COL28A1: variants seen among roughly 807,000 people sequenced by gnomAD.
COL28A1 encodes the protein collagen alpha-1(XXVIII) chain.
COL28A1 carries 161 observed loss-of-function variants against 150.2 expected under a neutral mutation model. That is an observed-to-expected ratio of 1.07 (90% CI 0.94 to 1.22). COL28A1 has a LOEUF of 1.22. Among genes scored for constraint, COL28A1 ranks in the 50% most tolerant of loss-of-function variants. COL28A1 has a pLI of 0.00. For missense variants in COL28A1, 1,617 were observed against 1,388.3 expected, an observed-to-expected ratio of 1.16 and a Z score of -2.62; for synonymous variants, 552 against 469.7, an observed-to-expected ratio of 1.18 and a Z score of -2.26.
intron 11 of COL28A1, among the ~76,000 whole-genome samples, chr7:7,491,213 C>T (rs1265366675): frequency 6.6e-6 from 1 of 152,172 alleles, no homozygotes; most frequent in African/African-American, 2.4e-5. Flanking sequence ...GATGAATGAT[C>T]ATTGGCCTAA....
At chr7:7,376,606 C>T (rs11980272) in intron 30 of COL28A1, among the ~76,000 whole-genome samples, 4,611 of 151,332 alleles carry the variant, frequency 0.03, 258 homozygotes, top group African/African-American at 0.11. Flanking sequence ...TAAAAAAATC[C>T]GAAACAAGAA....
intron 3 of COL28A1, among the ~76,000 whole-genome samples, chr7:7,526,509 A>T (rs560414633): frequency 1.3e-5 from 2 of 152,256 alleles, no homozygotes; most frequent in Non-Finnish European, 2.9e-5. Flanking sequence ...AATTCAAAAG[A>T]AGTTCAACAG....
chr7:7,526,508 G>C (rs568324011), intron 3 of COL28A1, among the ~76,000 whole-genome samples: 1 of 152,240 alleles, frequency 6.6e-6, no homozygotes, highest in Non-Finnish European at 1.5e-5. Flanking sequence ...AAATTCAAAA[G>C]AAGTTCAACA....
chr7:7,383,524 C>T (rs1014369167), intron 27 of COL28A1, among the ~76,000 whole-genome samples: 3 of 151,830 alleles, frequency 2.0e-5, no homozygotes, highest in Non-Finnish European at 1.5e-5. Context: ...GGTGATTCAC[C>T]TGCCTCGGCC....
intron 25 of COL28A1, among the ~76,000 whole-genome samples, chr7:7,431,834 A>G (rs1233621846): frequency 1.3e-5 from 2 of 152,336 alleles, no homozygotes; most frequent in East Asian, 3.9e-4. Context: ...AGCAGAAAGA[A>G]AAAAAGGAGC....
chr7:7,508,808 G>A (rs1286453110), intron 9 of COL28A1, among the ~76,000 whole-genome samples: 2 of 151,836 alleles, frequency 1.3e-5, no homozygotes, highest in African/African-American at 2.4e-5. Context: ...CCACACTGGT[G>A]ATATAATACC....
intron 25 of COL28A1, among the ~76,000 whole-genome samples, chr7:7,425,582 C>T (rs778329850): frequency 1.3e-5 from 2 of 152,200 alleles, no homozygotes; most frequent in Admixed American, 6.5e-5. Context: ...CATTCCAGAT[C>T]TCCTACCTAT....
At position 7,376,660 on chromosome 7, in the gene COL28A1, A is replaced by G. The variant is rs547500416; in HGVS notation, c.2323-1163T>C. On this transcript the variant is annotated intron_variant, in intron 30 of 34. Transcript: ENST00000399429. ...ATGTATGTATTTATATATTTATATT[A>G]AGTATATCTAGAAAGGGGAAATATA... Among the ~76,000 whole-genome samples the G allele has an allele frequency of 1.5e-3, 222 of 152,190 alleles. 1 individual carries two copies. The highest frequency in any genetic ancestry group is 3.4e-3 in the Admixed American group (52 of 15,296).
At chr7:7,375,261 A>G (rs1781481018) in intron 31 of COL28A1, among the ~76,000 whole-genome samples, 200 bp downstream of exon 31, 1 of 152,184 alleles carries the variant, frequency 6.6e-6, no homozygotes, top group Non-Finnish European at 1.5e-5. Context: ...CAGCCTGGGA[A>G]GATGATTTTA....
At position 7,422,570 on chromosome 7, in the gene COL28A1, A is replaced by G. The variant is rs549642972; in HGVS notation, c.1999-2617T>C. On this transcript the variant is annotated intron_variant, in intron 25 of 34. Coordinates refer to ENST00000399429, the MANE Select transcript of COL28A1 (RefSeq NM_001037763.3). Reference sequence around the variant, plus strand: ...CTTGAACCCGGGAGGCAGAGGTTGCAGTGAACCAAAACCACGCCATTGCAC... The same window carrying G: ...CTTGAACCCGGGAGGCAGAGGTTGCGGTGAACCAAAACCACGCCATTGCAC... Among the ~76,000 whole-genome samples, 5 of 152,220 alleles carry G rather than the reference A, an allele frequency of 3.3e-5. No homozygotes were observed. In the East Asian group the frequency reaches 9.7e-4, roughly 29 times the overall value.
At chr7:7,406,301 T>C (rs1420706581) in intron 27 of COL28A1, among the ~76,000 whole-genome samples, 1 of 152,206 alleles carries the variant, frequency 6.6e-6, no homozygotes, top group Non-Finnish European at 1.5e-5. Context: ...ACAGTATTAC[T>C]GCAGGTGGAG....
chr7:7,443,657 G>C lies in COL28A1; in HGVS notation c.1582-4C>G, dbSNP rs774662015. ...CTCCCGGAAGCCCCGCTTCTCCCTA[G>C]AGAAAATGACACTGATGTGTTAGCT... is the stretch of plus-strand genomic sequence containing the variant. On this transcript the variant is annotated splice_region_variant and splice_polypyrimidine_tract_variant and intron_variant, in intron 19 of 34. Transcript: ENST00000399429. 6.2e-7 allele frequency: 1 copy of C among 1,613,970 alleles called. No homozygotes were observed. Among genetic ancestry groups the C allele is most frequent in the East Asian group, 2.2e-5 (1 of 44,876 alleles).
At chr7:7,355,761 C>T (rs1780336953), downstream of COL28A1, among the ~76,000 whole-genome samples, 1 of 152,154 alleles carries the variant, frequency 6.6e-6, no homozygotes, top group Non-Finnish European at 1.5e-5. Context: ...TCAGACACTT[C>T]AGGAAACAAA....
At chr7:7,522,930 G>A (rs192240668) in intron 4 of COL28A1, among the ~76,000 whole-genome samples, 154 of 151,838 alleles carry the variant, frequency 1.0e-3, no homozygotes, top group African/African-American at 3.6e-3. Flanking sequence ...TAGCCTGTGG[G>A]CCGCGAGTTG....
chr7:7,367,496 T>C (rs977959409), intron 33 of COL28A1, among the ~76,000 whole-genome samples: 8 of 152,150 alleles, frequency 5.3e-5, no homozygotes, highest in Non-Finnish European at 8.8e-5. Flanking sequence ...GTCAAGTTCA[T>C]TGCAAGGTCC....
At chr7:7,500,764 C>T (rs554609116) in intron 11 of COL28A1, among the ~76,000 whole-genome samples, 2 of 152,254 alleles carry the variant, frequency 1.3e-5, no homozygotes, top group South Asian at 2.1e-4. Flanking sequence ...TACTGAATCT[C>T]CTCATTAGTA....
chr7:7,353,014 C>G (rs1562446056), downstream of COL28A1, among the ~76,000 whole-genome samples: 1 of 152,192 alleles, frequency 6.6e-6, no homozygotes, highest in Non-Finnish European at 1.5e-5. Flanking sequence ...CTGTATTACT[C>G]TCTTCCAAAT....
In COL28A1 at chr7:7,373,775, T is replaced by G. The variant is rs1314187872; in HGVS notation, c.2360-229A>C. Among the ~76,000 whole-genome samples the G allele has an allele frequency of 2.0e-5, 3 of 151,376 alleles. No individual in the cohort carries two copies. Among genetic ancestry groups the G allele is most frequent in the Non-Finnish European group, 2.9e-5 (2 of 67,872 alleles). On this transcript the variant is annotated intron_variant, in intron 31 of 34. Transcript: ENST00000399429. This position sits in a 1 kb window ranked among gnomAD's most constrained non-coding sequence, Gnocchi z 4.1. ...GTGCAGTGGCGCGATCTCGGCTCACTGCAGGCTCCGTCCCCTGGGATTCAC... is the reference window on the plus strand; with the variant it reads ...GTGCAGTGGCGCGATCTCGGCTCACGGCAGGCTCCGTCCCCTGGGATTCAC...
chr7:7,506,490 T>C (rs1313892725), intron 10 of COL28A1, among the ~76,000 whole-genome samples: 1 of 152,200 alleles, frequency 6.6e-6, no homozygotes, highest in African/African-American at 2.4e-5. Flanking sequence ...GCAAAGAAGT[T>C]AGTGGTTAAC....
Sources: allele counts gnomAD v4.1 joint callset (sites outside exome capture counted in the v4.1 genomes callset), GRCh38; gene constraint gnomAD v4.1.1; non-coding constraint Gnocchi (gnomAD v3.1); transcripts MANE v1.5; gene names NCBI Gene and HGNC (gene_info 2026-07-23, HGNC 2026-07-21).